The following ITCH variants were observed in gnomAD, a reference collection of about 807,000 sequenced individuals.
ITCH encodes itchy E3 ubiquitin protein ligase.
In ITCH, 28 loss-of-function variants were observed where a neutral mutation model predicts 126.8. That is an observed-to-expected ratio of 0.22 (90% CI 0.16 to 0.30). The LOEUF (loss-of-function observed/expected upper bound fraction) is 0.30, where lower values mean the gene tolerates loss of function less well. Ranked by LOEUF, ITCH falls within the 10% of genes least tolerant of loss-of-function variation. The pLI, the probability that ITCH is intolerant of heterozygous loss-of-function variation, is 1.00. For synonymous variants in ITCH, 342 were observed against 340.0 expected (o/e 1.01, Z -0.06); for missense variants, 631 against 1,032.4 (o/e 0.61, Z 5.33).
At chr20:34,472,597 A>G (rs1266407350) in intron 16 of ITCH, among the ~76,000 whole-genome samples, 1 of 152,242 alleles carries the variant, frequency 6.6e-6, no homozygotes, top group Admixed American at 6.5e-5. Flanking sequence ...TATTGTAGCA[A>G]CTACAGCTTC....
At chr20:34,490,270 A>AT (rs1203295108) in intron 22 of ITCH, among the ~76,000 whole-genome samples, 1 of 152,196 alleles carries the variant, frequency 6.6e-6, no homozygotes, top group Non-Finnish European at 1.5e-5. Flanking sequence ...AGAAGGCAAA[A>AT]TTTAAGAGAC....
chr20:34,406,651 C>T (rs2039068498), intron 3 of ITCH, among the ~76,000 whole-genome samples: 1 of 151,966 alleles, frequency 6.6e-6, no homozygotes, highest in African/African-American at 2.4e-5. Flanking sequence ...TCTCCTGCCT[C>T]AGCCTCCCGA....
intron 2 of ITCH, among the ~76,000 whole-genome samples, chr20:34,374,294 A>G (rs1344240958): frequency 1.3e-5 from 2 of 152,146 alleles, no homozygotes; most frequent in African/African-American, 4.8e-5. Context: ...CTAAAGGATT[A>G]TATTGTAGGA....
chr20:34,416,417 C>T (rs1428714852), intron 6 of ITCH, among the ~76,000 whole-genome samples: 1 of 152,004 alleles, frequency 6.6e-6, no homozygotes, highest in Non-Finnish European at 1.5e-5. Flanking sequence ...GAAAAGAAAA[C>T]AGTTATAACA....
chr20:34,486,009 C>T (rs553978953), intron 20 of ITCH, among the ~76,000 whole-genome samples: 1 of 152,152 alleles, frequency 6.6e-6, no homozygotes, highest in South Asian at 2.1e-4. Flanking sequence ...CTATATCCCA[C>T]AATTTTTTGT....
At chr20:34,455,073 G>T (rs964523679) in intron 12 of ITCH, among the ~76,000 whole-genome samples, 1 of 151,950 alleles carries the variant, frequency 6.6e-6, no homozygotes, top group Non-Finnish European at 1.5e-5. Context: ...CAGGCCATCC[G>T]CCTGCCTTAT....
chr20:34,490,221 GTTT>G (rs903086474), intron 22 of ITCH, among the ~76,000 whole-genome samples: 4 of 152,148 alleles, frequency 2.6e-5, no homozygotes, highest in African/African-American at 9.7e-5. Flanking sequence ...TCTGTAGTAT[GTTT>G]TTTATCATTT....
intron 6 of ITCH, chr20:34,417,239 G>T (rs1410003355): frequency 4.9e-6 from 3 of 618,394 alleles, no homozygotes; most frequent in Non-Finnish European, 8.7e-6. Flanking sequence ...TGGGTTTACA[G>T]GTATGCACCA....
chr20:34,477,989 TA>T, intron 17 of ITCH, 129 bp downstream of exon 17: 1 of 1,185,966 alleles, frequency 8.4e-7, no homozygotes, highest in Non-Finnish European at 1.2e-6. Context: ...ATTATACCTT[TA>T]TTATGCTGTA....
At chr20:34,402,072 C>A in intron 3 of ITCH, 1 of 736,666 alleles carries the variant, frequency 1.4e-6, no homozygotes. Flanking sequence ...AATTTTTAAG[C>A]TTTAGTTTGA....
intron 6 of ITCH, among the ~76,000 whole-genome samples, chr20:34,423,088 C>T (rs1026688598): frequency 7.2e-5 from 11 of 152,178 alleles, no homozygotes; most frequent in Non-Finnish European, 1.6e-4. Flanking sequence ...AGCCACCACG[C>T]CCGGCCTCTA....
At chr20:34,449,544 C>T in intron 12 of ITCH, 64 bp downstream of exon 12, 1 of 1,076,454 alleles carries the variant, frequency 9.3e-7, no homozygotes, top group Non-Finnish European at 1.4e-6. Context: ...CCAATTGTGT[C>T]ATTTTAAAAC....
chr20:34,417,100 C>CTTT (rs140460146), intron 6 of ITCH: 15 of 578,996 alleles, frequency 2.6e-5, no homozygotes, highest in Middle Eastern at 4.7e-4. Flanking sequence ...TTTAGGTAGA[C>CTTT]TTTTTTTTTT....
At chr20:34,393,052 C>T (rs1318950384) in intron 2 of ITCH, among the ~76,000 whole-genome samples, 2 of 152,136 alleles carry the variant, frequency 1.3e-5, no homozygotes, top group African/African-American at 4.8e-5. Context: ...ATGGGGTGAT[C>T]ATTTTGTGAT....
At chr20:34,479,258 T>C (rs1988511276) in intron 17 of ITCH, among the ~76,000 whole-genome samples, 1 of 152,218 alleles carries the variant, frequency 6.6e-6, no homozygotes, top group African/African-American at 2.4e-5. Flanking sequence ...AAATAGTGAA[T>C]TTTAAATTTG....
chr20:34,507,354 C>CT (rs1457077853), intron 24 of ITCH, among the ~76,000 whole-genome samples: 21 of 127,624 alleles, frequency 1.6e-4, no homozygotes, highest in African/African-American at 6.0e-4. Flanking sequence ...GAAGTGGTAT[C>CT]TCATTGTGGT....
At chr20:34,471,776 T>TG (rs1488118757) in intron 16 of ITCH, among the ~76,000 whole-genome samples, 2 of 133,726 alleles carry the variant, frequency 1.5e-5, no homozygotes, top group African/African-American at 5.5e-5. Context: ...AGATAATAGG[T>TG]TTGTGTGTGT....
chr20:34,399,263 A>G (rs1254273144), intron 3 of ITCH, among the ~76,000 whole-genome samples: 1 of 152,030 alleles, frequency 6.6e-6, no homozygotes. Context: ...ATGGTGGCAC[A>G]TGCCTGTAAT....
rs1334651496 is a variant in ITCH, at chr20:34,388,424, G to A, written c.-21-5367G>A. Among the ~76,000 whole-genome samples the A allele has an allele frequency of 5.9e-5, 9 of 151,366 alleles. 1 individual carries two copies. The highest frequency in any genetic ancestry group is 5.9e-5 in the Non-Finnish European group (4 of 67,876). On this transcript the variant is annotated intron_variant, in intron 2 of 24. Coordinates refer to ENST00000374864, the MANE Select transcript of ITCH (RefSeq NM_031483.7). The stretch of plus-strand genomic sequence containing the variant: ...TTTTGAGATGAGGTCTTGCTCTGTC[G>A]CCCAAGATGGATTGCAGTGGCCTTA...
Sources: gnomAD v4.1 joint callset for allele counts (sites outside exome capture counted in the v4.1 genomes callset) on GRCh38, gnomAD v4.1.1 for gene constraint, MANE v1.5 for transcripts, NCBI Gene and HGNC (gene_info 2026-07-23, HGNC 2026-07-21) for gene names.